The following AASDH variants were observed in gnomAD, a reference collection of about 807,000 sequenced individuals.
AASDH encodes the protein aminoadipate-semialdehyde dehydrogenase.
Under a neutral mutation model 102.3 loss-of-function variants are expected in AASDH, and 81 were observed. That is an observed-to-expected ratio of 0.79 (90% CI 0.66 to 0.95). The LOEUF (loss-of-function observed/expected upper bound fraction) is 0.95. Among genes scored for constraint, AASDH ranks in the 40% least tolerant of loss-of-function variants. The pLI, the probability that AASDH is intolerant of heterozygous loss-of-function variation, is 0.00. For synonymous variants in AASDH, 398 were observed against 454.0 expected, an observed-to-expected ratio of 0.88 and a Z score of 1.57; for missense variants, 1,203 against 1,266.2, an observed-to-expected ratio of 0.95 and a Z score of 0.76.
chr4:56,362,097 C>G (rs949810989), intron 5 of AASDH, among the ~76,000 whole-genome samples: 4 of 152,088 alleles, frequency 2.6e-5, no homozygotes, highest in African/African-American at 9.7e-5. Context: ...CCTTTATTTC[C>G]CAAGAAACTC....
chr4:56,341,366 T>C (rs192020863), intron 14 of AASDH, among the ~76,000 whole-genome samples: 27 of 148,328 alleles, frequency 1.8e-4, no homozygotes, highest in Admixed American at 6.7e-5. Flanking sequence ...TGCAGCAACA[T>C]GGATGGAACT....
At chr4:56,383,681 T>C (rs983688600) in intron 2 of AASDH, among the ~76,000 whole-genome samples, 1 of 152,218 alleles carries the variant, frequency 6.6e-6, no homozygotes, top group Non-Finnish European at 1.5e-5. Context: ...ACTGATTTAT[T>C]GAATACCTTA....
Position 56,345,115 on chromosome 4 carries a change from G to A in AASDH, c.2652+12C>T. 2 of 1,612,982 alleles carry A rather than the reference G, an allele frequency of 1.2e-6. No homozygotes were observed. Among genetic ancestry groups the A allele is most frequent in the Non-Finnish European group, 1.7e-6 (2 of 1,179,436 alleles). On this transcript the variant is annotated intron_variant, in intron 12 of 14. Coordinates refer to ENST00000205214, the MANE Select transcript of AASDH (RefSeq NM_181806.4). ...CGCCACCATGCCCAGCTAATTTGAG[G>A]TCAATCCTTACATAAATATCTAAAG... is the stretch of plus-strand genomic sequence containing the variant.
Position 56,384,364 on chromosome 4 carries a change from G to C in AASDH, c.-42-23C>G. ...ACCCTGTGTATATACAGAAGTGTTAGGGGGAGAGGGAGTTTTAGAGAGCTC... is the reference window on the plus strand; with the variant it reads ...ACCCTGTGTATATACAGAAGTGTTACGGGGAGAGGGAGTTTTAGAGAGCTC... On this transcript the variant is annotated intron_variant, in intron 1 of 14. Transcript: ENST00000205214. The C allele has an allele frequency of 3.4e-6, 5 of 1,454,628 alleles. No homozygotes were observed. The Admixed American group carries it at 8.6e-5, about 25-fold the overall frequency. 90.1% of individuals were successfully genotyped at this position (1,454,628 alleles called of 1,614,324 possible).
intron 12 of AASDH, among the ~76,000 whole-genome samples, chr4:56,344,108 G>A (rs1748046582): frequency 6.6e-6 from 1 of 151,928 alleles, no homozygotes; most frequent in Non-Finnish European, 1.5e-5. Context: ...ATCATTGAAC[G>A]TTTTTTGGAA....
chr4:56,377,078 A>T (rs6819652), intron 4 of AASDH, among the ~76,000 whole-genome samples: 58,657 of 132,440 alleles, frequency 0.44, 11,836 homozygotes, highest in South Asian at 0.49. Context: ...AAAAAAAAAA[A>T]AAATAAATAA....
Position 56,384,082 on chromosome 4 carries a change from G to T in AASDH, c.218C>A (p.Ser73Tyr), listed in dbSNP as rs149373863. The T allele has an allele frequency of 3.0e-5, 48 of 1,612,692 alleles. No homozygotes were observed. In the African/African-American group the frequency reaches 6.1e-4, roughly 21 times the overall value. ...TAAAAAATATTACCCTAAAATCCAAGAGGGTAAGTCTATCCCAGGTTGGCA... is the reference window on the plus strand; with the variant it reads ...TAAAAAATATTACCCTAAAATCCAATAGGGTAAGTCTATCCCAGGTTGGCA... ...LYCQPGIDLP[S>Y]WILGILQVPA... Residue 73 changes from serine (S) to tyrosine (Y), a missense_variant, in exon 2 of 15, where the codon TCT becomes TAT. Physicochemically the swap from Ser to Tyr is moderately radical, Grantham distance 144. Transcript: ENST00000205214.
intron 2 of AASDH, among the ~76,000 whole-genome samples, chr4:56,383,138 T>C (rs1436279358): frequency 6.6e-6 from 1 of 151,070 alleles, no homozygotes; most frequent in Admixed American, 6.7e-5. Context: ...TAAATTCTTA[T>C]CACTTAATAT....
chr4:56,371,656 A>G lies in AASDH; in HGVS notation c.669-13T>C. 1 of 1,594,006 alleles carries G rather than the reference A, an allele frequency of 6.3e-7. No individual in the cohort carries two copies. Among genetic ancestry groups the G allele is most frequent in the East Asian group, 2.2e-5 (1 of 44,582 alleles). Reference sequence around the variant, plus strand: ...GTCAAAAAGTACCCTAAGGCAAAACAGAATGCAGTTATGAGAAACGTCAAA... The same window carrying G: ...GTCAAAAAGTACCCTAAGGCAAAACGGAATGCAGTTATGAGAAACGTCAAA... On this transcript the variant is annotated splice_polypyrimidine_tract_variant and intron_variant, in intron 4 of 14. Transcript: ENST00000205214.
At chr4:56,378,550 T>A in intron 3 of AASDH, 86 bp from the exon 4 acceptor site, 1 of 1,144,666 alleles carries the variant, frequency 8.7e-7, no homozygotes. Context: ...AATACAGTCA[T>A]CCCTCAGTAT....
intron 5 of AASDH, among the ~76,000 whole-genome samples, chr4:56,369,783 T>C (rs925394741): frequency 1.3e-5 from 2 of 150,860 alleles, no homozygotes; most frequent in Admixed American, 1.3e-4. Context: ...CTATTAAAAA[T>C]ACAAAAATTA....
rs73240543 is a variant in AASDH, at chr4:56,378,148, C to A, written c.668G>T (p.Arg223Leu). 3.7e-3 allele frequency: 5,862 copies of A among 1,593,470 alleles called. 16 individuals are homozygous for A. Among genetic ancestry groups the A allele is most frequent in the Non-Finnish European group, 4.3e-3 (5,058 of 1,170,224 alleles). Residue 223 changes from arginine to leucine, a missense_variant and splice_region_variant, in exon 4 of 15, where the codon CGG becomes CTG. Coordinates refer to ENST00000205214, the MANE Select transcript of AASDH (RefSeq NM_181806.4). Reference sequence around the variant, plus strand: ...GAAAGAGTCAAAGACTAGAACTTACCGAAAATGCTGGATATTTGGTACTAT... The same window carrying A: ...GAAAGAGTCAAAGACTAGAACTTACAGAAAATGCTGGATATTTGGTACTAT... The part of the protein sequence containing the change: ...KCIVPNIQHF[R>L]VLFDITQEDV...
intron 8 of AASDH, among the ~76,000 whole-genome samples, chr4:56,353,807 C>A (rs905528450): frequency 1.6e-4 from 24 of 152,030 alleles, no homozygotes; most frequent in Non-Finnish European, 2.9e-4. Context: ...GCAAAATAAG[C>A]CAGTTAAATT....
chr4:56,387,465 G>C lies in AASDH; in HGVS notation c.-146C>G, dbSNP rs964470527. On this transcript the variant is annotated 5_prime_UTR_variant, in exon 1 of 15. Coordinates refer to ENST00000205214, the MANE Select transcript of AASDH (RefSeq NM_181806.4). ...AGCAGCAGCTCCCAGAAGCCGTAAAGCTATCCCAGAGCGAGGCACCATACG... is the reference window on the plus strand; with the variant it reads ...AGCAGCAGCTCCCAGAAGCCGTAAACCTATCCCAGAGCGAGGCACCATACG... 3.3e-5 allele frequency: 5 copies of C among 152,372 alleles called. No individual in the cohort carries two copies. The highest frequency in any genetic ancestry group is 1.2e-4 in the African/African-American group (5 of 41,574). The allele number at this position is 152,372 out of a possible 1,614,324, so 9.4% of individuals were successfully genotyped here.
chr4:56,358,304 T>G (rs1273709453), intron 5 of AASDH, among the ~76,000 whole-genome samples: 2 of 151,520 alleles, frequency 1.3e-5, no homozygotes, highest in Non-Finnish European at 2.9e-5. Context: ...ATATAAAGAG[T>G]TGTACTTCCT....
Position 56,343,602 on chromosome 4 carries a change from T to C in AASDH, c.2735A>G (p.Tyr912Cys), listed in dbSNP as rs367636864. The change falls in exon 13 of 15, where the codon TAT becomes TGT. Residue 912 changes from tyrosine (Y) to cysteine (C), a missense_variant. Coordinates refer to ENST00000205214, the MANE Select transcript of AASDH (RefSeq NM_181806.4). Reference protein sequence around the residue: ...PCLNLIPHHLYFATLGGLLLA... With the variant: ...PCLNLIPHHLCFATLGGLLLA... ...TAAAAGTCCTCCCAATGTAGCAAAATACAAATGATGTGGAATCAGGTTCAA... is the reference window on the plus strand; with the variant it reads ...TAAAAGTCCTCCCAATGTAGCAAAACACAAATGATGTGGAATCAGGTTCAA... The C allele has an allele frequency of 7.2e-5, 116 of 1,610,492 alleles. No individual in the cohort carries two copies. The highest frequency in any genetic ancestry group is 9.1e-5 in the Non-Finnish European group (107 of 1,178,102).
At chr4:56,372,862 T>C (rs934729697) in intron 4 of AASDH, among the ~76,000 whole-genome samples, 1 of 152,214 alleles carries the variant, frequency 6.6e-6, no homozygotes, top group Non-Finnish European at 1.5e-5. Flanking sequence ...AAGGGAAAAG[T>C]GTCCATTTTA....
intron 5 of AASDH, among the ~76,000 whole-genome samples, chr4:56,358,237 T>TA (rs1749850910): frequency 6.6e-6 from 1 of 151,952 alleles, no homozygotes; most frequent in African/African-American, 2.4e-5. Context: ...CTAGTAGTCC[T>TA]CCTCACCAGC....
intron 4 of AASDH, among the ~76,000 whole-genome samples, chr4:56,376,935 C>T (rs1385437672): frequency 2.7e-5 from 4 of 149,450 alleles, no homozygotes; most frequent in African/African-American, 4.9e-5. Context: ...GGCGTAGTGG[C>T]GGGCGCCTGT....
Sources: allele counts gnomAD v4.1 joint callset (sites outside exome capture counted in the v4.1 genomes callset), GRCh38; gene constraint gnomAD v4.1.1; transcripts MANE v1.5; gene names NCBI Gene and HGNC (gene_info 2026-07-23, HGNC 2026-07-21).